The following SLFNL1 variants were observed in gnomAD, a reference collection of about 807,000 sequenced individuals.
SLFNL1 encodes schlafen like 1.
A neutral mutation model predicts 32.5 loss-of-function variants in SLFNL1; 26 were observed. The ratio of observed to expected loss-of-function variants is 0.80; its 90% CI spans 0.59 to 1.11. The LOEUF is 1.11. Ranked by LOEUF, SLFNL1 falls within the 50% of genes least tolerant of loss-of-function variation. SLFNL1 has a pLI of 0.00. For synonymous variants in SLFNL1, 255 were observed against 242.2 expected (o/e 1.05, Z -0.49); for missense variants, 553 against 546.5 (o/e 1.01, Z -0.12).
At chr1:41,018,394 C>T (rs897009032) in intron 3 of SLFNL1, 5 of 442,900 alleles carry the variant, frequency 1.1e-5, no homozygotes, top group Admixed American at 7.8e-5. Flanking sequence ...AAGCTGGGCC[C>T]TTCCCAGGTG....
intron 5 of SLFNL1, chr1:41,016,504 C>T (rs1431977426): frequency 2.3e-6 from 1 of 431,586 alleles, no homozygotes; most frequent in Non-Finnish European, 4.2e-6. Context: ...TCTCTGTTTC[C>T]CTCTTGAAAA....
chr1:41,018,167 A>T lies in SLFNL1; in HGVS notation c.436-11T>A. The T allele has an allele frequency of 6.8e-7, 1 of 1,459,954 alleles. No individual in the cohort carries two copies. The highest frequency in any genetic ancestry group is 9.1e-7 in the Non-Finnish European group (1 of 1,103,150). The allele number at this position is 1,459,954 out of a possible 1,614,324, so 90.4% of individuals were successfully genotyped here. On this transcript the variant is annotated splice_polypyrimidine_tract_variant and intron_variant, in intron 3 of 5. Coordinates refer to ENST00000302946, the MANE Select transcript of SLFNL1 (RefSeq NM_144990.4). ...CTCCTCCTCCTTCTCCTAGGGTGGT[A>T]GTCAAGAATGAATGTATGGGTCCAG...
rs759690123 is a variant in SLFNL1 at position 41,018,144 on chromosome 1, CCTCCTCCTT to C, written c.439_447del (p.Lys147_Glu149del). 2.7e-6 allele frequency: 4 copies of C among 1,491,100 alleles called. No homozygotes were observed. The highest frequency in any genetic ancestry group is 3.6e-6 in the Non-Finnish European group (4 of 1,114,670). The allele number at this position is 1,491,100 out of a possible 1,614,324, so 92.4% of individuals were successfully genotyped here. On this transcript the variant is annotated inframe_deletion, in exon 4 of 6. Coordinates refer to ENST00000302946, the MANE Select transcript of SLFNL1 (RefSeq NM_144990.4). ...GGGCTCAGGCCACTGTCCTCCTCCT[CCTCCTCCTT>C]CTCCTAGGGTGGTAGTCAAGAATGA...
At position 41,017,615 on chromosome 1, in the gene SLFNL1, C is replaced by G. The variant is rs1643458353; in HGVS notation, c.957+20G>C. Reference sequence around the variant, plus strand: ...ATGACAGATGACAGGCCCAGAGGCCCTCCTGTCCTGCAGGCTCACCTTGAG... The same window carrying G: ...ATGACAGATGACAGGCCCAGAGGCCGTCCTGTCCTGCAGGCTCACCTTGAG... On this transcript the variant is annotated intron_variant, in intron 4 of 5. Transcript: ENST00000302946. The surrounding 1 kb of genome is among the most constrained non-coding windows in gnomAD (Gnocchi z 4.9). 1 of 1,516,360 alleles carries G rather than the reference C, an allele frequency of 6.6e-7. No individual in the cohort carries two copies. The highest frequency in any genetic ancestry group is 2.2e-5 in the Admixed American group (1 of 45,634). 93.9% of individuals were successfully genotyped at this position (1,516,360 alleles called of 1,614,324 possible). A position where few individuals can be genotyped will look rare whatever the true frequency, so the allele number is the denominator to read the frequency against.
Position 41,020,352 on chromosome 1 carries a change from G to A in SLFNL1, c.309C>T (p.Asp103=). ...GGCGCCAGGGGAGGGAGGCCAGGGT[G>A]TCCCTGTGGACAGTCACCTGCACCA... The part of the protein sequence containing the change: ...YALVQVTVHR[D]TLASLPWRLQ... Residue 103 remains aspartate, a synonymous_variant, in exon 3 of 6, where the codon GAC becomes GAT. Transcript: ENST00000302946. 2 of 1,613,542 alleles carry A rather than the reference G, an allele frequency of 1.2e-6. No individual in the cohort carries two copies. Among genetic ancestry groups the A allele is most frequent in the Non-Finnish European group, 1.7e-6 (2 of 1,180,030 alleles).
At position 41,017,827 on chromosome 1, in the gene SLFNL1, G is replaced by A. The variant is rs1403798578; in HGVS notation, c.765C>T (p.Gly255=). The change falls in exon 4 of 6, where the codon GGC becomes GGT. Residue 255 remains glycine, a synonymous_variant. Coordinates refer to ENST00000302946, the MANE Select transcript of SLFNL1 (RefSeq NM_144990.4). This position sits in a 1 kb window ranked among gnomAD's most constrained non-coding sequence, Gnocchi z 4.9. ...RYVCAFLNSE[G]GSLLVGVEDS... ...CCTCTACTCCCACGAGCAGGCTGCC[G>A]CCCTCGCTGTTGAGGAAGGCGCACA... The A allele has an allele frequency of 1.4e-5, 23 of 1,598,230 alleles. No individual in the cohort carries two copies. Among genetic ancestry groups the A allele is most frequent in the East Asian group, 9.0e-5 (4 of 44,512 alleles).
At position 41,017,784 on chromosome 1, in the gene SLFNL1, C is replaced by T. The variant is rs957135235; in HGVS notation, c.808G>A (p.Gly270Ser). 6.2e-6 allele frequency: 10 copies of T among 1,606,144 alleles called. No homozygotes were observed. Among genetic ancestry groups the T allele is most frequent in the Non-Finnish European group, 8.5e-6 (10 of 1,174,778 alleles). Residue 270 changes from glycine (G) to serine (S), a missense_variant, in exon 4 of 6, where the codon GGC (glycine) becomes AGC (serine). Gly to Ser is a moderately conservative substitution (Grantham distance 56). Transcript: ENST00000302946. This position sits in a 1 kb window ranked among gnomAD's most constrained non-coding sequence, Gnocchi z 4.9. ...VGVEDSGLVQGIRCSHRDEDR... is the reference protein window; with the variant it reads ...VGVEDSGLVQSIRCSHRDEDR... The stretch of plus-strand genomic sequence containing the variant: ...TCGTCACGGTGGCTGCAGCGGATGC[C>T]CTGCACCAGGCCGCTGTCCTCTACT...
In SLFNL1 at chr1:41,017,630, C is replaced by T. The variant is rs1293127127; in HGVS notation, c.957+5G>A. ...CCCAGAGGCCCTCCTGTCCTGCAGG[C>T]TCACCTTGAGGGGGACGCTGGTCTC... On this transcript the variant is annotated splice_donor_5th_base_variant and intron_variant, in intron 4 of 5. Transcript: ENST00000302946. The surrounding 1 kb of genome is among the most constrained non-coding windows in gnomAD (Gnocchi z 4.9). 1 of 1,520,600 alleles carries T rather than the reference C, an allele frequency of 6.6e-7. No individual in the cohort carries two copies. The highest frequency in any genetic ancestry group is 8.8e-7 in the Non-Finnish European group (1 of 1,132,702). 94.2% of individuals were successfully genotyped at this position (1,520,600 alleles called of 1,614,324 possible).
rs1420314012 is a variant in SLFNL1, at chr1:41,015,932, G to A, written c.*174C>T. ...AGAGCAGTTTCTTGGCTACACAGAT[G>A]GGTCTGTCAGGGTTGAAGCCACATG... is the stretch of plus-strand genomic sequence containing the variant. On this transcript the variant is annotated 3_prime_UTR_variant, in exon 6 of 6. Coordinates refer to ENST00000302946, the MANE Select transcript of SLFNL1 (RefSeq NM_144990.4). 2.0e-5 allele frequency: 15 copies of A among 766,924 alleles called. No individual in the cohort carries two copies. Among genetic ancestry groups the A allele is most frequent in the Non-Finnish European group, 3.1e-5 (15 of 483,888 alleles). The allele number at this position is 766,924 out of a possible 1,614,324, so 47.5% of individuals were successfully genotyped here.
intron 3 of SLFNL1, among the ~76,000 whole-genome samples, chr1:41,018,809 C>CT (rs1477629462): frequency 6.9e-6 from 1 of 144,494 alleles, no homozygotes; most frequent in Non-Finnish European, 1.5e-5. Context: ...CAGGCTCACC[C>CT]TTTCATGTCA....
At position 41,018,006 on chromosome 1, in the gene SLFNL1, A is replaced by C; in HGVS notation, c.586T>G (p.Cys196Gly). The change falls in exon 4 of 6, where the codon TGC becomes GGC. Residue 196 changes from cysteine to glycine, a missense_variant. Transcript: ENST00000302946. ...QSCQGRPSGV[C>G]SDSAIVHQQI... ...TGGTGCACAATGGCACTGTCGGAGC[A>C]CACGCCGCTGGGCCGGCCCTGGCAG... 1 of 1,605,654 alleles carries C rather than the reference A, an allele frequency of 6.2e-7. No individual in the cohort carries two copies. Among genetic ancestry groups the C allele is most frequent in the Non-Finnish European group, 8.5e-7 (1 of 1,176,894 alleles).
At chr1:41,021,044 C>T (rs1230081287) in intron 1 of SLFNL1, 174 bp from the exon 2 acceptor site, 3 of 201,750 alleles carry the variant, frequency 1.5e-5, no homozygotes, top group African/African-American at 6.8e-5. Context: ...TAGGGGCCTC[C>T]TAGGTACCCT....
chr1:41,019,192 G>A (rs1016397293), intron 3 of SLFNL1, among the ~76,000 whole-genome samples: 1 of 152,106 alleles, frequency 6.6e-6, no homozygotes, highest in Admixed American at 6.5e-5. Flanking sequence ...TCATGAGCGT[G>A]GGTTGGGGTG....
chr1:41,016,571 A>C, intron 5 of SLFNL1: 1 of 277,220 alleles, frequency 3.6e-6, no homozygotes, highest in Non-Finnish European at 6.9e-6. Flanking sequence ...CTCCCCTAAA[A>C]TGCAGTGTAT....
chr1:41,018,842 T>TTG lies in SLFNL1; in HGVS notation c.436-687_436-686insCA, dbSNP rs1643587116. Among the ~76,000 whole-genome samples the TTG allele has an allele frequency of 2.8e-5, 4 of 140,442 alleles. No homozygotes were observed. The South Asian group carries it at 7.2e-4, about 25-fold the overall frequency. The allele number at this position is 140,442 out of a possible 152,430, so 92.1% of individuals were successfully genotyped here. The stretch of plus-strand genomic sequence containing the variant: ...TCAACCCTCCTGTTTTTTTTTTTTT[T>TTG]TTTTTTTTTTTGAGACAGAGTCTCG... On this transcript the variant is annotated intron_variant, in intron 3 of 5. Coordinates refer to ENST00000302946, the MANE Select transcript of SLFNL1 (RefSeq NM_144990.4).
In SLFNL1 at chr1:41,018,208, C is replaced by T. The variant is rs770233255; in HGVS notation, c.436-52G>A. 16 of 1,428,448 alleles carry T rather than the reference C, an allele frequency of 1.1e-5. No individual in the cohort carries two copies. The South Asian group carries it at 2.4e-4, about 21-fold the overall frequency. 88.5% of individuals were successfully genotyped at this position (1,428,448 alleles called of 1,614,324 possible). A position where few individuals can be genotyped will look rare whatever the true frequency, so the allele number is the denominator to read the frequency against. On this transcript the variant is annotated intron_variant, in intron 3 of 5. Coordinates refer to ENST00000302946, the MANE Select transcript of SLFNL1 (RefSeq NM_144990.4). ...ATGGGTCCAGCCAGGAAATGGGAGCCCTGACCCTGAGAAGGACTGCAAGAA... is the reference window on the plus strand; with the variant it reads ...ATGGGTCCAGCCAGGAAATGGGAGCTCTGACCCTGAGAAGGACTGCAAGAA...
At position 41,020,264 on chromosome 1, in the gene SLFNL1, G is replaced by T. The variant is rs773915082; in HGVS notation, c.397C>A (p.Leu133Ile). The T allele has an allele frequency of 6.2e-7, 1 of 1,610,658 alleles. No individual in the cohort carries two copies. Among genetic ancestry groups the T allele is most frequent in the Non-Finnish European group, 8.5e-7 (1 of 1,178,292 alleles). Residue 133 changes from leucine (L) to isoleucine (I), a missense_variant, in exon 3 of 6, where the codon CTA (leucine) becomes ATA (isoleucine). Physicochemically the swap from Leu to Ile is conservative, Grantham distance 5. Transcript: ENST00000302946. ...KELAARGKDL[L>I]LSEAQGPFSH... ...AAGGGCCCTTGGGCCTCACTCAATA[G>T]CAGGTCCTTCCCACGGGCTGCCAGC...
At chr1:41,019,089 A>G (rs907215289) in intron 3 of SLFNL1, among the ~76,000 whole-genome samples, 1 of 151,390 alleles carries the variant, frequency 6.6e-6, no homozygotes, top group Non-Finnish European at 1.5e-5. Flanking sequence ...CAGCCTCCCA[A>G]AGTGCTGGGA....
chr1:41,016,801 C>A (rs1643371019), intron 5 of SLFNL1: 1 of 157,062 alleles, frequency 6.4e-6, no homozygotes, highest in South Asian at 2.0e-4. Context: ...CCTCCGCTTC[C>A]CAGATTCGAT....
Sources: gnomAD v4.1 joint callset for allele counts (sites outside exome capture counted in the v4.1 genomes callset) on GRCh38, gnomAD v4.1.1 for gene constraint, Gnocchi (gnomAD v3.1) non-coding constraint, MANE v1.5 for transcripts, NCBI Gene and HGNC (gene_info 2026-07-23, HGNC 2026-07-21) for gene names.